Variants in PCDH11Y observed in about 807,000 individuals in gnomAD.
The protein encoded by PCDH11Y is protocadherin 11 Y-linked, also known as protocadherin-11 Y-linked.
For synonymous variants in PCDH11Y, 9 were observed against 83.6 expected (o/e 0.11, Z 4.87); for missense variants, 12 against 224.8 (o/e 0.05, Z 6.05).
intron 2 of PCDH11Y, among the ~76,000 whole-genome samples, chrY:5,127,801 CTA>C (rs2052827342): frequency 3.1e-5 from 1 of 32,749 alleles, no homozygotes; most frequent in Admixed American, 2.8e-4. Context: ...TGTGTCAACT[CTA>C]CACTTTTTTT....
intron 3 of PCDH11Y, among the ~76,000 whole-genome samples, chrY:5,554,505 C>T: frequency 3.0e-5 from 1 of 33,216 alleles, no homozygotes; most frequent in East Asian, 8.3e-4. Context: ...TTTATGGCAG[C>T]CCCTCCTATC....
At chrY:5,342,842 A>G in intron 2 of PCDH11Y, among the ~76,000 whole-genome samples, 1 of 30,287 alleles carries the variant, frequency 3.3e-5, no homozygotes, top group South Asian at 8.1e-4. Flanking sequence ...ACATCAGGAA[A>G]AAAAGATGCA....
chrY:5,576,733 C>A, intron 3 of PCDH11Y, among the ~76,000 whole-genome samples: 1 of 33,217 alleles, frequency 3.0e-5, no homozygotes, highest in African/African-American at 1.2e-4. Flanking sequence ...GATTTTATTT[C>A]TTAAAATATG....
intron 3 of PCDH11Y, among the ~76,000 whole-genome samples, chrY:5,045,538 C>CTTAACAT (rs2052633607): frequency 3.1e-5 from 1 of 32,660 alleles, no homozygotes; most frequent in East Asian, 8.1e-4. Flanking sequence ...TCTGGCTGCC[C>CTTAACAT]TTAACATTTT....
intron 2 of PCDH11Y, among the ~76,000 whole-genome samples, chrY:5,185,024 C>T: frequency 3.1e-5 from 1 of 32,676 alleles, no homozygotes; most frequent in Admixed American, 2.8e-4. Flanking sequence ...AACTTTTCCC[C>T]GATGTTTTCT....
At chrY:5,430,691 T>C (rs2053268006) in intron 2 of PCDH11Y, among the ~76,000 whole-genome samples, 2 of 33,558 alleles carry the variant, frequency 6.0e-5, no homozygotes, top group Non-Finnish European at 1.5e-4. Flanking sequence ...AGTTTAGAAA[T>C]TTAATTAAAC....
intron 4 of PCDH11Y, among the ~76,000 whole-genome samples, chrY:5,588,593 C>A: frequency 3.0e-5 from 1 of 32,927 alleles, no homozygotes; most frequent in Non-Finnish European, 7.5e-5. Flanking sequence ...AGGATATTTG[C>A]ACCAGATATA....
intron 2 of PCDH11Y, among the ~76,000 whole-genome samples, chrY:5,111,252 C>A: frequency 3.1e-5 from 1 of 32,573 alleles, no homozygotes; most frequent in South Asian, 7.0e-4. Context: ...CATGTGCCAC[C>A]ACACCCGGCT....
chrY:5,711,533 G>A (rs2053586529), intron 4 of PCDH11Y, among the ~76,000 whole-genome samples: 1 of 31,409 alleles, frequency 3.2e-5, no homozygotes. Flanking sequence ...GCTCACGCCT[G>A]TAATCCCAGC....
intron 4 of PCDH11Y, among the ~76,000 whole-genome samples, chrY:5,618,253 C>A (rs2053495897): frequency 2.9e-5 from 1 of 34,698 alleles, no homozygotes; most frequent in Non-Finnish European, 7.2e-5. Flanking sequence ...AAAAGAAATC[C>A]GCAGACAGTT....
chrY:5,162,476 A>G (rs2124644535), intron 2 of PCDH11Y, among the ~76,000 whole-genome samples: 1 of 33,462 alleles, frequency 3.0e-5, no homozygotes, highest in Admixed American at 2.8e-4. Flanking sequence ...AATGACATAG[A>G]AGCAAAGATT....
intron 3 of PCDH11Y, among the ~76,000 whole-genome samples, chrY:5,519,707 A>G (rs2053378243): frequency 3.2e-5 from 1 of 31,712 alleles, no homozygotes; most frequent in East Asian, 8.1e-4. Context: ...GCTGCAATGA[A>G]TATCATTGAG....
In PCDH11Y at chrY:5,739,747, A is replaced by C. The variant is rs2124716555; in HGVS notation, c.*1805A>C. On this transcript the variant is annotated 3_prime_UTR_variant, in exon 5 of 5. Transcript: ENST00000400457. The stretch of plus-strand genomic sequence containing the variant: ...CATATTTGACTGGGCGTGCAGAATA[A>C]CTTCTTAACTATTAACTATCAGAGT... 5 of 33,133 alleles carry C rather than the reference A, an allele frequency of 1.5e-4. No homozygotes were observed. The East Asian group carries it at 3.9e-3, about 26-fold the overall frequency. 8.3% of individuals were successfully genotyped at this position (33,133 alleles called of 400,897 possible). A position where few individuals can be genotyped will look rare whatever the true frequency, so the allele number is the denominator to read the frequency against.
chrY:5,408,157 T>C (rs2053242770), intron 2 of PCDH11Y, among the ~76,000 whole-genome samples: 4 of 32,901 alleles, frequency 1.2e-4, no homozygotes, highest in African/African-American at 3.5e-4. Flanking sequence ...CTGAAGGAGA[T>C]ATGATGACTA....
At chrY:5,528,937 C>T (rs2053390300) in intron 3 of PCDH11Y, among the ~76,000 whole-genome samples, 6 of 32,941 alleles carry the variant, frequency 1.8e-4, no homozygotes, top group Non-Finnish European at 2.3e-4. Context: ...AATAAGAATT[C>T]GAGGACACAA....
chrY:5,399,978 G>T, intron 2 of PCDH11Y, among the ~76,000 whole-genome samples: 1 of 33,026 alleles, frequency 3.0e-5, no homozygotes, highest in Admixed American at 2.8e-4. Context: ...AGACCAGCTC[G>T]GTCATGGAGA....
intron 2 of PCDH11Y, among the ~76,000 whole-genome samples, chrY:5,385,122 T>C (rs2053211501): frequency 9.1e-4 from 23 of 25,394 alleles, no homozygotes; most frequent in Admixed American, 3.9e-4. Context: ...CTGGCTCTAC[T>C]GGCCAGCTTT....
At chrY:5,594,450 TCACA>T (rs2053465345) in intron 4 of PCDH11Y, among the ~76,000 whole-genome samples, 1 of 29,175 alleles carries the variant, frequency 3.4e-5, no homozygotes, top group African/African-American at 1.4e-4. Context: ...AGGGCAGGGT[TCACA>T]CACACACACA....
At chrY:5,137,461 A>T in intron 2 of PCDH11Y, among the ~76,000 whole-genome samples, 1 of 30,994 alleles carries the variant, frequency 3.2e-5, no homozygotes, top group African/African-American at 1.3e-4. Context: ...TGCTCCACTT[A>T]AAAGATACAG....
Sources: gnomAD v4.1 joint callset for allele counts (sites outside exome capture counted in the v4.1 genomes callset) on GRCh38, gnomAD v4.1.1 for gene constraint, MANE v1.5 for transcripts, NCBI Gene and HGNC (gene_info 2026-07-23, HGNC 2026-07-21) for gene names.